The following SLC35E4 variants were observed in gnomAD, a reference collection of about 807,000 sequenced individuals.
SLC35E4 encodes the protein solute carrier family 35, member E4.
Under a neutral mutation model 19.3 loss-of-function variants are expected in SLC35E4, and 15 were observed. The ratio of observed to expected loss-of-function variants is 0.78; its 90% CI spans 0.52 to 1.20. SLC35E4 has a LOEUF of 1.20. Ranked by LOEUF, SLC35E4 falls within the 50% of genes most tolerant of loss-of-function variation. SLC35E4 has a pLI of 0.00. For synonymous variants in SLC35E4, 219 were observed against 219.9 expected, an observed-to-expected ratio of 1.00 and a Z score of 0.04; for missense variants, 406 against 472.3, an observed-to-expected ratio of 0.86 and a Z score of 1.30.
At chr22:30,644,818 G>A (rs2088101561) in intron 1 of SLC35E4, among the ~76,000 whole-genome samples, 1 of 152,078 alleles carries the variant, frequency 6.6e-6, no homozygotes, top group Non-Finnish European at 1.5e-5. Context: ...TTTCGCCTGG[G>A]CACCCCTTTG....
Position 30,643,636 on chromosome 22 carries a change from G to A in SLC35E4, c.620-2962G>A, listed in dbSNP as rs116589091. 3.5e-3 allele frequency among the ~76,000 whole-genome samples: 530 copies of A among 152,234 alleles called. 4 individuals are homozygous for A. Among genetic ancestry groups the A allele is most frequent in the African/African-American group, 0.012 (496 of 41,546 alleles). On this transcript the variant is annotated intron_variant, in intron 1 of 1. Coordinates refer to ENST00000343605, the MANE Select transcript of SLC35E4 (RefSeq NM_001001479.4). ...GCCGGCATCAAGGACATCACACAGG[G>A]CATCAGGCCCTGTGTTCAGCACCTC...
intron 2 of SLC35E4, chr22:30,653,940 C>A (rs913967467): frequency 1.2e-5 from 2 of 168,584 alleles, no homozygotes; most frequent in Non-Finnish European, 2.6e-5. Flanking sequence ...TCTCCACGTT[C>A]TTTTCGGCCT....
chr22:30,663,644 C>T (rs377209045), downstream of SLC35E4: 8 of 1,614,234 alleles, frequency 5.0e-6, no homozygotes, highest in East Asian at 2.2e-5. Flanking sequence ...CGTGGTACTT[C>T]ATGAGGTAGG....
intron 2 of SLC35E4, among the ~76,000 whole-genome samples, chr22:30,652,898 G>T (rs2088250730): frequency 6.6e-6 from 1 of 152,196 alleles, no homozygotes; most frequent in Non-Finnish European, 1.5e-5. Flanking sequence ...CTACACAAAG[G>T]CAGGATTACC....
chr22:30,645,852 G>A (rs9609027), intron 1 of SLC35E4, among the ~76,000 whole-genome samples: 3,860 of 134,906 alleles, frequency 0.029, 107 homozygotes, highest in East Asian at 0.15. Flanking sequence ...ACAGGGTCTC[G>A]CTCTGTTGCC....
Position 30,644,979 on chromosome 22 carries a change from G to GA in SLC35E4, c.620-1609dup, listed in dbSNP as rs57035978. ...TCTTGACAAGCCACAGTATTAGCAG[G>GA]AAAAAAAAAAGATGCTGATTATCAG... On this transcript the variant is annotated intron_variant, in intron 1 of 1. Coordinates refer to ENST00000343605, the MANE Select transcript of SLC35E4 (RefSeq NM_001001479.4). Among the ~76,000 whole-genome samples, 1,465 of 150,120 alleles carry GA rather than the reference G, an allele frequency of 9.8e-3. 29 individuals carry two copies. Among genetic ancestry groups the GA allele is most frequent in the African/African-American group, 0.033 (1,363 of 40,694 alleles).
downstream of SLC35E4, among the ~76,000 whole-genome samples, chr22:30,664,256 CCA>C (rs1469697810): frequency 1.3e-5 from 2 of 152,168 alleles, no homozygotes; most frequent in African/African-American, 4.8e-5. Context: ...CTCTCCAAAC[CCA>C]CAGTCAGACT....
Position 30,636,657 on chromosome 22 carries a change from G to T in SLC35E4, c.207G>T (p.Trp69Cys). The T allele has an allele frequency of 6.2e-7, 1 of 1,612,184 alleles. No individual in the cohort carries two copies. Among genetic ancestry groups the T allele is most frequent in the East Asian group, 2.2e-5 (1 of 44,842 alleles). ...CCAGCATGTCAAGCCTCAACAAGTG[G>T]ATCTTCACAGTGCACGGCTTTGGGC... Reference protein sequence around the residue: ...AGASMSSLNKWIFTVHGFGRP... With the variant: ...AGASMSSLNKCIFTVHGFGRP... The change falls in exon 1 of 2, where the codon TGG becomes TGT. Residue 69 changes from tryptophan (W) to cysteine (C), a missense_variant. Physicochemically the swap from Trp to Cys is radical, Grantham distance 215. Transcript: ENST00000343605.
downstream of SLC35E4, among the ~76,000 whole-genome samples, chr22:30,651,418 T>C (rs1390051371): frequency 1.3e-5 from 1 of 78,738 alleles, no homozygotes; most frequent in South Asian, 4.0e-4. Context: ...TATATATATA[T>C]ATATATATAT....
intron 1 of SLC35E4, among the ~76,000 whole-genome samples, chr22:30,641,538 T>A (rs1422071653): frequency 6.6e-6 from 1 of 151,880 alleles, no homozygotes; most frequent in African/African-American, 2.4e-5. Context: ...TTATAATTTT[T>A]AAATTTTATT....
chr22:30,658,484 C>T (rs1007233066), intron 2 of SLC35E4, among the ~76,000 whole-genome samples: 22 of 151,944 alleles, frequency 1.4e-4, no homozygotes, highest in African/African-American at 5.3e-4. Context: ...AAAGCATCTG[C>T]AATCTGAAAA....
At chr22:30,650,791 C>T (rs1026599422), downstream of SLC35E4, among the ~76,000 whole-genome samples, 28 of 152,282 alleles carry the variant, frequency 1.8e-4, no homozygotes, top group African/African-American at 6.7e-4. Context: ...TGAGAGTCCC[C>T]CAGGCATGCT....
downstream of SLC35E4, chr22:30,663,619 C>A (rs1169738683): frequency 6.2e-7 from 1 of 1,614,182 alleles, no homozygotes; most frequent in African/African-American, 1.3e-5. Flanking sequence ...GTGTGGGCGT[C>A]CAGCAGGGAC....
rs1480931003 is a variant in SLC35E4 at position 30,637,018 on chromosome 22, G to A, written c.568G>A (p.Gly190Ser). The A allele has an allele frequency of 1.3e-6, 2 of 1,596,352 alleles. No individual in the cohort carries two copies. The highest frequency in any genetic ancestry group is 2.2e-5 in the South Asian group (2 of 90,406). The change falls in exon 1 of 2, where the codon GGC becomes AGC. Residue 190 changes from glycine (G) to serine (S), a missense_variant. Gly to Ser is a moderately conservative substitution (Grantham distance 56, BLOSUM62 0). Coordinates refer to ENST00000343605, the MANE Select transcript of SLC35E4 (RefSeq NM_001001479.4). ...GEFRTPPTGC[G>S]FLLAATCLRG... is the part of the protein sequence containing the mutation. ...GTTCCGGACACCCCCTACCGGCTGT[G>A]GCTTCCTGCTCGCAGCCACCTGCCT... is the stretch of plus-strand genomic sequence containing the variant.
intron 2 of SLC35E4, among the ~76,000 whole-genome samples, chr22:30,659,229 A>G (rs1157085404): frequency 1.3e-5 from 2 of 152,282 alleles, no homozygotes; most frequent in East Asian, 1.9e-4. Flanking sequence ...ACTGCCTCCT[A>G]AAACAAAAAC....
rs558946343 is a variant in SLC35E4 at position 30,659,016 on chromosome 22, C to T, written c.*9-3044C>T. 7.0e-4 allele frequency among the ~76,000 whole-genome samples: 105 copies of T among 149,678 alleles called. 1 individual carries two copies. Among genetic ancestry groups the T allele is most frequent in the Non-Finnish European group, 1.5e-3 (99 of 67,660 alleles). Reference sequence around the variant, plus strand: ...GCGGGTCCCTGTAGTCCCAGCTATTCGGGAGGCTGAGGCAGGAGAATGGCG... The same window carrying T: ...GCGGGTCCCTGTAGTCCCAGCTATTTGGGAGGCTGAGGCAGGAGAATGGCG... On this transcript the variant is annotated intron_variant, in intron 2 of 2. Transcript: ENST00000406566.
chr22:30,651,016 G>A (rs2088199841), downstream of SLC35E4, among the ~76,000 whole-genome samples: 1 of 147,758 alleles, frequency 6.8e-6, no homozygotes, highest in Admixed American at 6.9e-5. Flanking sequence ...AGGATTGTGA[G>A]TCCTTGTTTG....
chr22:30,665,519 G>C (rs145308917), downstream of SLC35E4: 12,246 of 470,946 alleles, frequency 0.026, 250 homozygotes, highest in South Asian at 0.048. Flanking sequence ...TTCAGCAGAG[G>C]ACTGCAGAAG....
At chr22:30,650,404 G>T (rs937608902), downstream of SLC35E4, among the ~76,000 whole-genome samples, 2 of 152,192 alleles carry the variant, frequency 1.3e-5, no homozygotes, top group African/African-American at 4.8e-5. Flanking sequence ...GCTGAGGCAG[G>T]AGAATCGCTT....
Sources: gnomAD v4.1 joint callset for allele counts (sites outside exome capture counted in the v4.1 genomes callset) on GRCh38, gnomAD v4.1.1 for gene constraint, MANE v1.5 for transcripts, NCBI Gene and HGNC (gene_info 2026-07-23, HGNC 2026-07-21) for gene names.